The following PTPRD variants were observed in gnomAD, a reference collection of about 807,000 sequenced individuals.
PTPRD encodes the protein protein tyrosine phosphatase receptor type D, also known as receptor-type tyrosine-protein phosphatase delta.
Under a neutral mutation model 214.5 loss-of-function variants are expected in PTPRD, and 34 were observed. The ratio of observed to expected loss-of-function variants is 0.16; its 90% CI spans 0.12 to 0.21. PTPRD has a LOEUF of 0.21. Ranked by LOEUF, PTPRD falls within the 10% of genes least tolerant of loss-of-function variation. The pLI, the probability that PTPRD is intolerant of heterozygous loss-of-function variation, is 1.00. For synonymous variants in PTPRD, 1,128 were observed against 845.7 expected (o/e 1.33, Z -5.79); for missense variants, 2,545 against 2,398.7 (o/e 1.06, Z -1.27).
chr9:10,549,130 A>G (rs568783306), intron 2 of PTPRD, among the ~76,000 whole-genome samples: 1 of 152,292 alleles, frequency 6.6e-6, no homozygotes, highest in East Asian at 1.9e-4. Flanking sequence ...CCTGCGTAAT[A>G]CTCAGGATTA....
At chr9:9,671,231 T>A (rs191764594) in intron 7 of PTPRD, among the ~76,000 whole-genome samples, 2 of 152,160 alleles carry the variant, frequency 1.3e-5, no homozygotes, top group African/African-American at 4.8e-5. Flanking sequence ...TTGACTGCTC[T>A]GCTGGATTTC....
chr9:9,576,055 T>C (rs1188950837), intron 7 of PTPRD, among the ~76,000 whole-genome samples: 1 of 152,162 alleles, frequency 6.6e-6, no homozygotes, highest in Non-Finnish European at 1.5e-5. Flanking sequence ...TGCTATATAA[T>C]TTAAAATAGA....
chr9:8,807,660 T>C (rs1276778834), intron 11 of PTPRD, among the ~76,000 whole-genome samples: 3 of 151,920 alleles, frequency 2.0e-5, no homozygotes, highest in Non-Finnish European at 4.4e-5. Flanking sequence ...GCTCACCTCA[T>C]ATCTTAATCA....
chr9:8,869,915 C>T (rs914389974), intron 11 of PTPRD, among the ~76,000 whole-genome samples: 6 of 151,988 alleles, frequency 3.9e-5, no homozygotes, highest in Non-Finnish European at 7.4e-5. Context: ...TAACTAAGGT[C>T]CTAACAGCCT....
intron 14 of PTPRD, among the ~76,000 whole-genome samples, chr9:8,611,057 A>G (rs1352803398): frequency 1.3e-5 from 2 of 152,240 alleles, no homozygotes; most frequent in African/African-American, 4.8e-5. Context: ...ATACTAGGAT[A>G]CTCAAAACAC....
At chr9:8,346,702 C>T (rs1484637440) in intron 39 of PTPRD, among the ~76,000 whole-genome samples, 1 of 152,042 alleles carries the variant, frequency 6.6e-6, no homozygotes, top group Non-Finnish European at 1.5e-5. Flanking sequence ...TTGATGGCCC[C>T]AAAGTGCAAG....
At chr9:8,795,953 C>G (rs1031280242) in intron 11 of PTPRD, among the ~76,000 whole-genome samples, 10 of 152,124 alleles carry the variant, frequency 6.6e-5, no homozygotes, top group African/African-American at 2.4e-4. Flanking sequence ...TATAGTTACA[C>G]TATGGAGCAA....
At chr9:9,300,015 C>G (rs1954680017) in intron 9 of PTPRD, among the ~76,000 whole-genome samples, 1 of 149,084 alleles carries the variant, frequency 6.7e-6, no homozygotes, top group Non-Finnish European at 1.5e-5. Flanking sequence ...TTGTTACTGA[C>G]ACACAATTTT....
chr9:9,235,700 A>G (rs1194688416), intron 9 of PTPRD, among the ~76,000 whole-genome samples: 3 of 152,284 alleles, frequency 2.0e-5, no homozygotes, highest in Non-Finnish European at 4.4e-5. Flanking sequence ...AAAGGTCAGA[A>G]TTTTTATCAA....
At chr9:8,642,062 T>C (rs1296044993) in intron 12 of PTPRD, among the ~76,000 whole-genome samples, 1 of 152,206 alleles carries the variant, frequency 6.6e-6, no homozygotes, top group Non-Finnish European at 1.5e-5. Flanking sequence ...GGAGAGCCAT[T>C]GAAGTCCACC....
intron 8 of PTPRD, among the ~76,000 whole-genome samples, chr9:9,408,662 G>T (rs1468948115): frequency 6.6e-6 from 1 of 151,752 alleles, no homozygotes; most frequent in East Asian, 1.9e-4. Flanking sequence ...GAAAGAATAG[G>T]GATCTGGGTT....
chr9:8,767,726 C>G (rs972880156), intron 11 of PTPRD, among the ~76,000 whole-genome samples: 1 of 152,126 alleles, frequency 6.6e-6, no homozygotes, highest in Non-Finnish European at 1.5e-5. Flanking sequence ...ATGCTCAGGT[C>G]ATACTCCACA....
At chr9:8,900,690 A>G (rs995364516) in intron 11 of PTPRD, among the ~76,000 whole-genome samples, 2 of 152,192 alleles carry the variant, frequency 1.3e-5, no homozygotes, top group African/African-American at 2.4e-5. Flanking sequence ...GTCTTTCTGT[A>G]GAATCTTCAA....
chr9:9,527,158 G>C (rs912207132), intron 8 of PTPRD, among the ~76,000 whole-genome samples: 2 of 152,036 alleles, frequency 1.3e-5, no homozygotes, highest in East Asian at 1.9e-4. Context: ...TCAAAGTTTT[G>C]AGTTTACTTT....
chr9:8,441,718 C>A (rs1349692886), intron 34 of PTPRD, among the ~76,000 whole-genome samples: 1 of 152,052 alleles, frequency 6.6e-6, no homozygotes, highest in African/African-American at 2.4e-5. Flanking sequence ...CCTATGGGTT[C>A]ATCTACCTCC....
At chr9:9,072,997 T>C (rs1029676295) in intron 10 of PTPRD, among the ~76,000 whole-genome samples, 8 of 152,176 alleles carry the variant, frequency 5.3e-5, no homozygotes, top group African/African-American at 1.9e-4. Flanking sequence ...TTTGAGGATC[T>C]CAAACATGGA....
At chr9:8,591,962 G>A (rs934592603) in intron 14 of PTPRD, among the ~76,000 whole-genome samples, 2 of 152,056 alleles carry the variant, frequency 1.3e-5, no homozygotes, top group Admixed American at 1.3e-4. Context: ...AATAAATTTG[G>A]GGCAGCTAGC....
At chr9:8,377,655 T>C (rs2083658284) in intron 37 of PTPRD, among the ~76,000 whole-genome samples, 2 of 151,978 alleles carry the variant, frequency 1.3e-5, no homozygotes, top group Non-Finnish European at 2.9e-5. Context: ...GAAATACATT[T>C]CTCTAGGTAA....
chr9:9,816,593 TTAAAG>T (rs2048848391), intron 5 of PTPRD, among the ~76,000 whole-genome samples: 2 of 152,060 alleles, frequency 1.3e-5, no homozygotes, highest in South Asian at 4.1e-4. Context: ...GTTAACATAT[TTAAAG>T]TAATATTTTC....
Sources: gnomAD v4.1 joint callset for allele counts (sites outside exome capture counted in the v4.1 genomes callset) on GRCh38, gnomAD v4.1.1 for gene constraint, MANE v1.5 for transcripts, NCBI Gene and HGNC (gene_info 2026-07-23, HGNC 2026-07-21) for gene names.